MEGF11: variants seen among roughly 807,000 people sequenced by gnomAD.
MEGF11 encodes multiple EGF like domains 11.
A neutral mutation model predicts 146.6 loss-of-function variants in MEGF11; 126 were observed. The ratio of observed to expected loss-of-function variants is 0.86; its 90% confidence interval spans 0.74 to 1.00. The LOEUF is 1.00. MEGF11 is among the 50% of genes least tolerant of loss of function. The pLI is 0.00. For missense variants in MEGF11, 1,509 were observed against 1,521.2 expected (o/e 0.99, Z 0.13); for synonymous variants, 532 against 583.4 (o/e 0.91, Z 1.27).
chr15:66,242,418 A>T, intron 1 of MEGF11, among the ~76,000 whole-genome samples: 1 of 143,432 alleles, frequency 7.0e-6, no homozygotes, highest in African/African-American at 2.6e-5. Flanking sequence ...AAAAAAAAAA[A>T]GAAAGAAAGA....
At chr15:66,019,819 TC>T (rs1466661820) in intron 5 of MEGF11, among the ~76,000 whole-genome samples, 1 of 152,182 alleles carries the variant, frequency 6.6e-6, no homozygotes, top group Admixed American at 6.5e-5. Flanking sequence ...ATGCCATCCT[TC>T]CCACGGACTT....
In MEGF11 at chr15:66,117,115, G is replaced by T. The variant is rs139302808; in HGVS notation, c.301+1971C>A. 1.5e-3 allele frequency among the ~76,000 whole-genome samples: 234 copies of T among 152,296 alleles called. 2 individuals are homozygous for T. The highest frequency in any genetic ancestry group is 3.9e-3 in the East Asian group (20 of 5,180). The stretch of plus-strand genomic sequence containing the variant: ...GTAGATGGATCAGCGTATGTAAAGT[G>T]ATCAGAATGGTGCCTGGCATGTGGC... On this transcript the variant is annotated intron_variant, in intron 4 of 25. Coordinates refer to ENST00000395614, the MANE Select transcript of MEGF11 (RefSeq NM_001385028.1).
At chr15:66,127,710 C>G (rs546321721) in intron 2 of MEGF11, among the ~76,000 whole-genome samples, 7 of 152,196 alleles carry the variant, frequency 4.6e-5, no homozygotes, top group Non-Finnish European at 1.0e-4. Context: ...AAAGTCAGGC[C>G]GTCTGCAGGG....
At position 66,242,407 on chromosome 15, in the gene MEGF11, T is replaced by TA. The variant is rs1200352348; in HGVS notation, c.-9+11197dup. Reference sequence around the variant, plus strand: ...CTAAGCAGCAGAGTGAGACTCTGTCTAAAAAAAAAAAGAAAGAAAGAAAGA... The same window carrying TA: ...CTAAGCAGCAGAGTGAGACTCTGTCTAAAAAAAAAAAAGAAAGAAAGAAAGA... On this transcript the variant is annotated intron_variant, in intron 1 of 25. Coordinates refer to ENST00000395614, the MANE Select transcript of MEGF11 (RefSeq NM_001385028.1). 2.2e-3 allele frequency among the ~76,000 whole-genome samples: 299 copies of TA among 134,534 alleles called. 3 individuals carry two copies. The highest frequency in any genetic ancestry group is 5.5e-3 in the African/African-American group (197 of 35,748). The allele number at this position is 134,534 out of a possible 152,430, so 88.3% of individuals were successfully genotyped here.
intron 24 of MEGF11, among the ~76,000 whole-genome samples, chr15:65,903,735 G>A (rs533757975): frequency 5.3e-5 from 8 of 152,302 alleles, no homozygotes; most frequent in Non-Finnish European, 1.2e-4. Flanking sequence ...AGTTTCATTT[G>A]TGCTAGACTA....
chr15:66,095,026 T>G (rs2086482013), intron 4 of MEGF11, among the ~76,000 whole-genome samples: 2 of 152,136 alleles, frequency 1.3e-5, no homozygotes, highest in Non-Finnish European at 2.9e-5. Flanking sequence ...ATCTGCAAAG[T>G]ACACACATGC....
chr15:66,204,736 A>G (rs564976101), intron 1 of MEGF11, among the ~76,000 whole-genome samples: 92 of 152,168 alleles, frequency 6.0e-4, no homozygotes, highest in African/African-American at 2.0e-3. Context: ...GCATTTCCCT[A>G]CTTGGGAAGA....
chr15:65,921,146 T>G (rs1224799753), intron 15 of MEGF11, among the ~76,000 whole-genome samples: 1 of 152,210 alleles, frequency 6.6e-6, no homozygotes, highest in African/African-American at 2.4e-5. Context: ...ATAGCCCAGC[T>G]CAGCAGTGAT....
intron 4 of MEGF11, among the ~76,000 whole-genome samples, chr15:66,099,204 C>CTTTTTTTT (rs10683767): frequency 1.7e-4 from 18 of 105,846 alleles, no homozygotes; most frequent in African/African-American, 4.2e-4. Context: ...CCTCCTTTTT[C>CTTTTTTTT]TTTTTTTTTT....
chr15:66,159,087 TTCTAAG>T (rs1378749313), intron 1 of MEGF11, among the ~76,000 whole-genome samples: 10 of 152,210 alleles, frequency 6.6e-5, no homozygotes, highest in Non-Finnish European at 8.8e-5. Context: ...GTAATAATGA[TTCTAAG>T]TCTGTCAGGT....
chr15:66,136,603 G>A (rs1053221713), intron 1 of MEGF11, among the ~76,000 whole-genome samples: 1 of 152,208 alleles, frequency 6.6e-6, no homozygotes, highest in African/African-American at 2.4e-5. Context: ...TCTAAAAAAA[G>A]GTTGTCAATA....
At position 65,929,601 on chromosome 15, in the gene MEGF11, A is replaced by AG. The variant is rs2079498786; in HGVS notation, c.1572+118dup. On this transcript the variant is annotated intron_variant, in intron 12 of 25. Coordinates refer to ENST00000395614, the MANE Select transcript of MEGF11 (RefSeq NM_001385028.1). Reference sequence around the variant, plus strand: ...GGACTAGGACTGTGACCTAAATCCAAGTGTCCCATCACCTAGCTTAGTGCT... The same window carrying AG: ...GGACTAGGACTGTGACCTAAATCCAAGGTGTCCCATCACCTAGCTTAGTGCT... 20 of 1,226,982 alleles carry AG rather than the reference A, an allele frequency of 1.6e-5. No homozygotes were observed. In the South Asian group the frequency reaches 3.1e-4, roughly 19 times the overall value. 76.0% of individuals were successfully genotyped at this position (1,226,982 alleles called of 1,614,324 possible).
At chr15:65,998,918 G>A (rs976597696) in intron 5 of MEGF11, among the ~76,000 whole-genome samples, 9 of 152,166 alleles carry the variant, frequency 5.9e-5, no homozygotes, top group Non-Finnish European at 1.0e-4. Flanking sequence ...TAGGGGTTTG[G>A]GACTTTGGAG....
rs1203378360 is a variant in MEGF11, at chr15:65,917,886, A to AC, written c.2086+79dup. ...CATCCCTGGAAGTGGAGGCACCAGG[A>AC]CAGAGAGGTTTTGGGCAACAAAGGG... On this transcript the variant is annotated intron_variant, in intron 16 of 25. Transcript: ENST00000395614. 1.9e-6 allele frequency: 3 copies of AC among 1,573,696 alleles called. No homozygotes were observed. The African/African-American group carries it at 4.0e-5, about 21-fold the overall frequency.
At chr15:65,993,752 G>A (rs532197032) in intron 5 of MEGF11, among the ~76,000 whole-genome samples, 6 of 152,210 alleles carry the variant, frequency 3.9e-5, no homozygotes, top group Admixed American at 1.3e-4. Flanking sequence ...AGTGGGCAAC[G>A]GCACTGGAAG....
chr15:65,959,800 T>C (rs2080794938), intron 9 of MEGF11, among the ~76,000 whole-genome samples: 1 of 152,190 alleles, frequency 6.6e-6, no homozygotes, highest in Admixed American at 6.5e-5. Flanking sequence ...AATTAGGTAT[T>C]TGAGCCTGTA....
intron 1 of MEGF11, among the ~76,000 whole-genome samples, chr15:66,230,669 G>C (rs1340863704): frequency 1.3e-5 from 2 of 152,164 alleles, no homozygotes; most frequent in Non-Finnish European, 2.9e-5. Flanking sequence ...CTTATAAAAG[G>C]GGGGAGATGA....
At chr15:66,134,541 T>C (rs1300776453) in intron 1 of MEGF11, among the ~76,000 whole-genome samples, 4 of 151,782 alleles carry the variant, frequency 2.6e-5, no homozygotes, top group African/African-American at 9.7e-5. Flanking sequence ...GGAGTTCTCA[T>C]AACTGTAGGT....
chr15:66,089,093 C>T (rs921783494), intron 5 of MEGF11, among the ~76,000 whole-genome samples: 4 of 152,198 alleles, frequency 2.6e-5, no homozygotes, highest in Non-Finnish European at 4.4e-5. Context: ...AGTTTAGGAG[C>T]ATAGGCATAT....
Sources: allele counts gnomAD v4.1 joint callset (sites outside exome capture counted in the v4.1 genomes callset), GRCh38; gene constraint gnomAD v4.1.1; transcripts MANE v1.5; gene names NCBI Gene and HGNC (gene_info 2026-07-23, HGNC 2026-07-21).